The following GIPC2 variants were observed in gnomAD, a reference collection of about 807,000 sequenced individuals.
The protein encoded by GIPC2 is PDZ domain-containing protein GIPC2.
A neutral mutation model predicts 30.6 loss-of-function variants in GIPC2; 30 were observed. The ratio of observed to expected loss-of-function variants is 0.98; its 90% confidence interval spans 0.73 to 1.33. The LOEUF is 1.33. Ranked by LOEUF, GIPC2 falls within the 40% of genes most tolerant of loss-of-function variation. The pLI is 0.00. For synonymous variants in GIPC2, 167 were observed against 150.0 expected (o/e 1.11, Z -0.83); for missense variants, 414 against 390.3 (o/e 1.06, Z -0.51).
chr1:78,060,028 C>T (rs1343419266), intron 1 of GIPC2, among the ~76,000 whole-genome samples: 3 of 152,150 alleles, frequency 2.0e-5, no homozygotes, highest in Non-Finnish European at 4.4e-5. Context: ...AGCATATTTT[C>T]TGCTTTTCTG....
intron 4 of GIPC2, among the ~76,000 whole-genome samples, chr1:78,121,187 C>A (rs887878082): frequency 6.6e-6 from 1 of 152,078 alleles, no homozygotes; most frequent in Non-Finnish European, 1.5e-5. Context: ...AAGAAAACTG[C>A]AAGTTTGGGG....
At chr1:78,123,234 T>C (rs1417172503) in intron 4 of GIPC2, among the ~76,000 whole-genome samples, 1 of 124,416 alleles carries the variant, frequency 8.0e-6, no homozygotes, top group Non-Finnish European at 1.6e-5. Context: ...CACTCCAGCC[T>C]GGGTGACAGA....
chr1:78,104,218 A>G (rs564467814), intron 3 of GIPC2, among the ~76,000 whole-genome samples: 11 of 152,258 alleles, frequency 7.2e-5, no homozygotes, highest in Admixed American at 4.6e-4. Flanking sequence ...GTCAGATTCA[A>G]TTAGGCATTT....
chr1:78,048,996 A>G (rs1661146993), intron 1 of GIPC2, among the ~76,000 whole-genome samples: 1 of 152,238 alleles, frequency 6.6e-6, no homozygotes, highest in Non-Finnish European at 1.5e-5. Flanking sequence ...TATATGCAGA[A>G]TAAAGTATTG....
chr1:78,106,750 G>T (rs1316820288), intron 3 of GIPC2, among the ~76,000 whole-genome samples: 1 of 151,938 alleles, frequency 6.6e-6, no homozygotes, highest in Non-Finnish European at 1.5e-5. Flanking sequence ...GTGCTATCTC[G>T]GCTCTCTGCA....
chr1:78,095,412 T>C (rs1662120366), intron 3 of GIPC2, among the ~76,000 whole-genome samples: 1 of 152,222 alleles, frequency 6.6e-6, no homozygotes, highest in African/African-American at 2.4e-5. Flanking sequence ...GCTGTTCCTA[T>C]CTCTGAGAAC....
At chr1:78,083,794 C>A (rs1175700385) in intron 2 of GIPC2, among the ~76,000 whole-genome samples, 2 of 152,196 alleles carry the variant, frequency 1.3e-5, no homozygotes, top group African/African-American at 4.8e-5. Context: ...CCTGCAGGAA[C>A]CCCTGTAAGT....
intron 1 of GIPC2, among the ~76,000 whole-genome samples, chr1:78,078,351 G>A (rs1281504700): frequency 1.3e-5 from 2 of 152,016 alleles, no homozygotes; most frequent in African/African-American, 2.4e-5. Context: ...TTATTCTCCC[G>A]TGAAGAACTG....
At chr1:78,056,575 A>G (rs1318333111) in intron 1 of GIPC2, among the ~76,000 whole-genome samples, 1 of 152,226 alleles carries the variant, frequency 6.6e-6, no homozygotes. Context: ...AATTGTCAAC[A>G]TTTGCCAACA....
upstream of GIPC2, chr1:78,045,946 G>A (rs1052172930): frequency 7.3e-6 from 10 of 1,362,732 alleles, no homozygotes; most frequent in African/African-American, 6.2e-5. Flanking sequence ...TGGAGGTCGG[G>A]GCCCTGACCC....
intron 3 of GIPC2, among the ~76,000 whole-genome samples, chr1:78,108,291 C>G (rs1662398454): frequency 6.6e-6 from 1 of 152,104 alleles, no homozygotes; most frequent in African/African-American, 2.4e-5. Context: ...TGAACTTTTT[C>G]CCCAGAGATG....
intron 2 of GIPC2, among the ~76,000 whole-genome samples, chr1:78,092,348 T>G (rs1384773555): frequency 6.6e-6 from 1 of 152,214 alleles, no homozygotes; most frequent in Non-Finnish European, 1.5e-5. Context: ...ACCTCTATGT[T>G]TAATAATGTA....
intron 1 of GIPC2, among the ~76,000 whole-genome samples, chr1:78,079,921 T>C (rs1215704926): frequency 6.6e-6 from 1 of 152,170 alleles, no homozygotes; most frequent in Non-Finnish European, 1.5e-5. Flanking sequence ...ATTTGGTTTC[T>C]TTTTTGCTCT....
rs560709846 is a variant in GIPC2, at chr1:78,135,457, T to G, written c.797-135T>G. The G allele has an allele frequency of 5.0e-6, 3 of 603,296 alleles. No individual in the cohort carries two copies. The South Asian group carries it at 6.4e-5, about 13-fold the overall frequency. 37.4% of individuals were successfully genotyped at this position (603,296 alleles called of 1,614,324 possible). A position where few individuals can be genotyped will look rare whatever the true frequency, so the allele number is the denominator to read the frequency against. ...GAGAGGGTATCTTACTGTTTTAATT[T>G]GCATTTAATTTTGCATTTAATTTGA... On this transcript the variant is annotated intron_variant, in intron 5 of 5. Coordinates refer to ENST00000370759, the MANE Select transcript of GIPC2 (RefSeq NM_017655.6).
At chr1:78,061,966 C>T (rs1461899599) in intron 1 of GIPC2, among the ~76,000 whole-genome samples, 1 of 152,070 alleles carries the variant, frequency 6.6e-6, no homozygotes, top group Non-Finnish European at 1.5e-5. Context: ...GGTGGTGTGG[C>T]TAAGAGGCTT....
At chr1:78,076,552 G>C (rs1256736634) in intron 1 of GIPC2, among the ~76,000 whole-genome samples, 1 of 152,106 alleles carries the variant, frequency 6.6e-6, no homozygotes, top group Non-Finnish European at 1.5e-5. Context: ...TCACCTTAGG[G>C]TTCATGCTCC....
At chr1:78,080,581 G>T (rs1222218816) in intron 1 of GIPC2, 94 bp from the exon 2 acceptor site, 1 of 685,428 alleles carries the variant, frequency 1.5e-6, no homozygotes, top group Non-Finnish European at 2.5e-6. Context: ...ATCATAAATT[G>T]AGGAGTATTT....
At chr1:78,057,277 A>G (rs774222055) in intron 1 of GIPC2, among the ~76,000 whole-genome samples, 5 of 152,158 alleles carry the variant, frequency 3.3e-5, no homozygotes, top group Non-Finnish European at 5.9e-5. Flanking sequence ...GTTTTTCTAT[A>G]ACCCTCTGAA....
intron 2 of GIPC2, among the ~76,000 whole-genome samples, chr1:78,081,433 C>A (rs1019834190): frequency 1.3e-5 from 2 of 152,056 alleles, no homozygotes; most frequent in African/African-American, 4.8e-5. Context: ...TGTAGCATTG[C>A]CATTGTGTTA....
Sources: gnomAD v4.1 joint callset for allele counts (sites outside exome capture counted in the v4.1 genomes callset) on GRCh38, gnomAD v4.1.1 for gene constraint, MANE v1.5 for transcripts, NCBI Gene and HGNC (gene_info 2026-07-23, HGNC 2026-07-21) for gene names.